The following DGKI variants were observed in gnomAD, a reference collection of about 807,000 sequenced individuals.
DGKI encodes diacylglycerol kinase iota, also known as DAG kinase iota.
Under a neutral mutation model 147.5 loss-of-function variants are expected in DGKI, and 55 were observed. The ratio of observed to expected loss-of-function variants is 0.37; its 90% CI spans 0.30 to 0.47. The LOEUF is 0.47. Ranked by LOEUF, DGKI falls within the 20% of genes least tolerant of loss-of-function variation. DGKI has a pLI of 1.00. For missense variants in DGKI, 1,007 were observed against 1,323.8 expected (o/e 0.76, Z 3.71); for synonymous variants, 469 against 477.1 (o/e 0.98, Z 0.22).
At chr7:137,472,324 T>TATATGTATATATATA (rs1814976029) in intron 23 of DGKI, among the ~76,000 whole-genome samples, 1 of 7,394 alleles carries the variant, frequency 1.4e-4, no homozygotes, top group African/African-American at 1.8e-4. Context: ...ATATAATTAT[T>TATATGTATATATATA]ATATGTATAT....
chr7:137,776,781 A>G (rs902006039), intron 1 of DGKI, among the ~76,000 whole-genome samples: 1 of 152,142 alleles, frequency 6.6e-6, no homozygotes, highest in Non-Finnish European at 1.5e-5. Context: ...CAGATATTTG[A>G]GGGGGCAGGT....
At chr7:137,399,741 C>A (rs1457741330) in intron 30 of DGKI, among the ~76,000 whole-genome samples, 1 of 152,080 alleles carries the variant, frequency 6.6e-6, no homozygotes, top group Non-Finnish European at 1.5e-5. Context: ...GGAACCCCGT[C>A]TCTACTAAAA....
intron 22 of DGKI, among the ~76,000 whole-genome samples, chr7:137,487,119 G>T (rs1454265899): frequency 2.6e-5 from 4 of 151,744 alleles, no homozygotes; most frequent in Non-Finnish European, 4.4e-5. Context: ...AGCAAGACTA[G>T]ATTGAGAAAA....
intron 3 of DGKI, among the ~76,000 whole-genome samples, chr7:137,673,411 T>C (rs901753259): frequency 8.5e-5 from 13 of 152,240 alleles, no homozygotes; most frequent in Admixed American, 7.8e-4. Flanking sequence ...TCAGGCTGAG[T>C]CCCACTCCCT....
intron 21 of DGKI, among the ~76,000 whole-genome samples, chr7:137,508,244 T>TC (rs1816439904): frequency 1.4e-5 from 2 of 145,784 alleles, no homozygotes; most frequent in East Asian, 3.9e-4. Context: ...TTTTTTTTTT[T>TC]TGAGACGGAG....
chr7:137,728,859 C>T (rs1477503051), intron 1 of DGKI, among the ~76,000 whole-genome samples: 1 of 152,134 alleles, frequency 6.6e-6, no homozygotes, highest in Non-Finnish European at 1.5e-5. Flanking sequence ...ACTTTACACA[C>T]TTATCTACTA....
chr7:137,657,614 C>T (rs778899620), intron 3 of DGKI, among the ~76,000 whole-genome samples: 1 of 152,138 alleles, frequency 6.6e-6, no homozygotes, highest in Non-Finnish European at 1.5e-5. Flanking sequence ...AAGAAATGTA[C>T]TATAACTAAG....
At chr7:137,517,203 G>T (rs1816774159) in intron 21 of DGKI, among the ~76,000 whole-genome samples, 1 of 115,988 alleles carries the variant, frequency 8.6e-6, no homozygotes, top group South Asian at 2.7e-4. Context: ...GAAAAGAAAA[G>T]AAAAGTAAAG....
intron 20 of DGKI, chr7:137,546,047 G>A: frequency 3.3e-6 from 2 of 612,816 alleles, no homozygotes; most frequent in South Asian, 1.9e-5. Context: ...GAGAAAGAGA[G>A]ACACACAAAA....
intron 3 of DGKI, among the ~76,000 whole-genome samples, chr7:137,674,171 G>A (rs187398142): frequency 1.3e-4 from 20 of 152,196 alleles, no homozygotes; most frequent in Admixed American, 1.3e-3. Context: ...TGCCAATTTG[G>A]GAACAAATTT....
At chr7:137,672,662 G>A (rs749778602) in intron 3 of DGKI, among the ~76,000 whole-genome samples, 1 of 151,760 alleles carries the variant, frequency 6.6e-6, no homozygotes, top group Non-Finnish European at 1.5e-5. Flanking sequence ...TAGCTTCTGA[G>A]GAGAGCCACG....
intron 10 of DGKI, among the ~76,000 whole-genome samples, chr7:137,607,285 A>T (rs1002425235): frequency 1.3e-5 from 2 of 152,216 alleles, no homozygotes; most frequent in South Asian, 2.1e-4. Context: ...TAGAAGTCAC[A>T]TGCAGTTAAT....
intron 1 of DGKI, among the ~76,000 whole-genome samples, chr7:137,803,430 G>C (rs1797273022): frequency 6.6e-6 from 1 of 152,174 alleles, no homozygotes; most frequent in Non-Finnish European, 1.5e-5. Context: ...ATGTTAAAAA[G>C]ATCCTCATAT....
At chr7:137,467,071 T>C in intron 24 of DGKI, 129 bp from the exon 25 acceptor site, 1 of 811,900 alleles carries the variant, frequency 1.2e-6, no homozygotes, top group East Asian at 2.7e-5. Flanking sequence ...GGCCAGTCCC[T>C]AAATCTATTA....
intron 28 of DGKI, among the ~76,000 whole-genome samples, chr7:137,430,163 A>G (rs1813002242): frequency 6.9e-6 from 1 of 144,152 alleles, no homozygotes; most frequent in Non-Finnish European, 1.5e-5. Flanking sequence ...CCAAATGTCC[A>G]ACAATGATAG....
rs542313764 is a variant in DGKI, at chr7:137,555,073, C to T, written c.1948-2505G>A. ...CTGGGACTACAGGCATGTGCCACCA[C>T]ACCCGGCTAATTTTTTGTATTTTAG... On this transcript the variant is annotated intron_variant, in intron 19 of 32. Transcript: ENST00000614521. 1.1e-4 allele frequency among the ~76,000 whole-genome samples: 17 copies of T among 151,692 alleles called. No homozygotes were observed. In the East Asian group the frequency reaches 3.2e-3, roughly 29 times the overall value.
At chr7:137,391,779 T>C (rs1409338316) in intron 32 of DGKI, among the ~76,000 whole-genome samples, 1 of 152,146 alleles carries the variant, frequency 6.6e-6, no homozygotes, top group African/African-American at 2.4e-5. Flanking sequence ...TCTATTATTC[T>C]AAACTTGGGA....
chr7:137,593,947 G>A (rs1269339175), intron 12 of DGKI, among the ~76,000 whole-genome samples: 1 of 152,170 alleles, frequency 6.6e-6, no homozygotes, highest in Non-Finnish European at 1.5e-5. Flanking sequence ...TCTCAAAAGA[G>A]GTTAAGGAAC....
At chr7:137,693,871 T>C (rs1227364949) in intron 1 of DGKI, among the ~76,000 whole-genome samples, 1 of 152,128 alleles carries the variant, frequency 6.6e-6, no homozygotes, top group Non-Finnish European at 1.5e-5. Context: ...TAGAATCCAG[T>C]GTTAAGAAGC....
Sources: gnomAD v4.1 joint callset for allele counts (sites outside exome capture counted in the v4.1 genomes callset) on GRCh38, gnomAD v4.1.1 for gene constraint, MANE v1.5 for transcripts, NCBI Gene and HGNC (gene_info 2026-07-23, HGNC 2026-07-21) for gene names.